The following CHD2 variants were observed in gnomAD, a reference collection of about 807,000 sequenced individuals.
CHD2 encodes chromodomain helicase DNA binding protein 2.
Under a neutral mutation model 243.9 loss-of-function variants are expected in CHD2, and 28 were observed. That is an observed-to-expected ratio of 0.11 (90% CI 0.09 to 0.16). The LOEUF (loss-of-function observed/expected upper bound fraction) is 0.16, where lower values mean the gene tolerates loss of function less well. Among genes scored for constraint, CHD2 ranks in the 10% least tolerant of loss-of-function variants. The pLI, the probability that CHD2 is intolerant of heterozygous loss-of-function variation, is 1.00. For synonymous variants in CHD2, 775 were observed against 779.0 expected (o/e 0.99, Z 0.09); for missense variants, 1,386 against 2,209.8 (o/e 0.63, Z 7.47).
chr15:92,906,190 T>C (rs896386975), intron 2 of CHD2, among the ~76,000 whole-genome samples: 1 of 152,212 alleles, frequency 6.6e-6, no homozygotes. Flanking sequence ...CTACTTTTTT[T>C]CCCTTTGATG....
At chr15:92,977,887 TC>T (rs1191440006) in intron 20 of CHD2, among the ~76,000 whole-genome samples, 1 of 152,234 alleles carries the variant, frequency 6.6e-6, no homozygotes, top group African/African-American at 2.4e-5. Flanking sequence ...ACAGGTGACT[TC>T]CTGGAGTTAA....
chr15:93,025,821 C>G lies in CHD2; in HGVS notation c.*1116C>G, dbSNP rs950343486. On this transcript the variant is annotated 3_prime_UTR_variant, in exon 39 of 39. Transcript: ENST00000394196. ...CCTGCTGCATTTCCTTCCCTTTGCA[C>G]AGCTTGAAGAAATAGAGTAGACAGA... The G allele has an allele frequency of 2.6e-5, 4 of 152,100 alleles. No individual in the cohort carries two copies. The highest frequency in any genetic ancestry group is 9.7e-5 in the African/African-American group (4 of 41,418). 9.4% of individuals were successfully genotyped at this position (152,100 alleles called of 1,614,324 possible). A position where few individuals can be genotyped will look rare whatever the true frequency, so the allele number is the denominator to read the frequency against.
chr15:93,012,236 C>A, intron 35 of CHD2, 109 bp from the exon 36 acceptor site: 1 of 594,306 alleles, frequency 1.7e-6, no homozygotes, highest in Non-Finnish European at 2.9e-6. Flanking sequence ...AATTTCTATG[C>A]TTAGGGAGTA....
intron 38 of CHD2, among the ~76,000 whole-genome samples, chr15:93,024,119 G>A (rs1000918664): frequency 6.6e-6 from 1 of 151,424 alleles, no homozygotes. Flanking sequence ...TTTCCTAAAG[G>A]GAGTGAGTTT....
chr15:92,993,478 C>G (rs112141760), intron 28 of CHD2, among the ~76,000 whole-genome samples: 4 of 152,288 alleles, frequency 2.6e-5, no homozygotes, highest in African/African-American at 7.2e-5. Context: ...TTTCATGCCA[C>G]TAGAATTTGT....
rs1349917671 is a variant in CHD2 at position 93,000,621 on chromosome 15, C to T, written c.4118C>T (p.Ser1373Leu). ...TCTCCTAGGCATTCAGATAATCCAT[C>T]AGAAGAGGGAGAAGTGAAAGTATGA... ...LSSPRHSDNP[S>L]EEGEVKDDGL... The change falls in exon 32 of 39, where the codon TCA (serine) becomes TTA (leucine). Residue 1373 changes from serine to leucine, a missense_variant. Coordinates refer to ENST00000394196, the MANE Select transcript of CHD2 (RefSeq NM_001271.4). The T allele has an allele frequency of 1.2e-6, 2 of 1,612,476 alleles. No individual in the cohort carries two copies. The highest frequency in any genetic ancestry group is 1.3e-5 in the African/African-American group (1 of 74,866).
chr15:92,976,655 A>C (rs2053912847), intron 20 of CHD2, among the ~76,000 whole-genome samples: 1 of 12,902 alleles, frequency 7.8e-5, no homozygotes, highest in Non-Finnish European at 5.0e-4. Context: ...GTCTCTACCA[A>C]AAAAAAAAAA....
chr15:92,982,676 T>C (rs2053994618), intron 24 of CHD2, among the ~76,000 whole-genome samples: 1 of 152,140 alleles, frequency 6.6e-6, no homozygotes, highest in South Asian at 2.1e-4. Context: ...TAGGATTGAA[T>C]TGAATTAGGG....
At position 92,911,650 on chromosome 15, in the gene CHD2, G is replaced by A. The variant is rs372735309; in HGVS notation, c.62+10351G>A. Among the ~76,000 whole-genome samples the A allele has an allele frequency of 3.9e-5, 6 of 152,004 alleles. No individual in the cohort carries two copies. The East Asian group carries it at 9.6e-4, about 24-fold the overall frequency. ...CTATTAGGGAGGCTGAGGCAGAGAC[G>A]CTTGAACCTGGGAGGCGGAAGTTGC... On this transcript the variant is annotated intron_variant, in intron 2 of 38. Transcript: ENST00000394196.
intron 16 of CHD2, among the ~76,000 whole-genome samples, chr15:92,959,639 G>A (rs2053659625): frequency 6.6e-6 from 1 of 152,008 alleles, no homozygotes. Context: ...TTACAGGCAC[G>A]CACCACCATG....
intron 33 of CHD2, among the ~76,000 whole-genome samples, chr15:93,003,038 A>G (rs1375118863): frequency 6.6e-6 from 1 of 152,242 alleles, no homozygotes; most frequent in Non-Finnish European, 1.5e-5. Context: ...ACTTAGCAGT[A>G]TATCACAACT....
At chr15:92,955,618 G>A in intron 15 of CHD2, 106 bp downstream of exon 15, 1 of 664,616 alleles carries the variant, frequency 1.5e-6, no homozygotes, top group South Asian at 2.4e-5. Flanking sequence ...ATACTTGAAA[G>A]TTAAAAATAA....
chr15:92,909,850 A>G lies in CHD2; in HGVS notation c.62+8551A>G, dbSNP rs77223573. 6.1e-3 allele frequency among the ~76,000 whole-genome samples: 927 copies of G among 152,242 alleles called. 17 individuals are homozygous for G. The highest frequency in any genetic ancestry group is 0.021 in the African/African-American group (873 of 41,534). ...GGATTTTATCAGGAAGGAATATTGT[A>G]CATGGTGAACATTTTGTAGAAAAAT... On this transcript the variant is annotated intron_variant, in intron 2 of 38. Coordinates refer to ENST00000394196, the MANE Select transcript of CHD2 (RefSeq NM_001271.4).
intron 18 of CHD2, 80 bp from the exon 19 acceptor site, chr15:92,972,180 TTTTTA>T: frequency 2.1e-6 from 3 of 1,437,678 alleles, no homozygotes; most frequent in Non-Finnish European, 2.8e-6. Context: ...TTTAAGATGA[TTTTTA>T]AAATATGGAT....
At chr15:92,932,443 T>TCCCCCCCCCCC (rs11309319) in intron 5 of CHD2, among the ~76,000 whole-genome samples, 2 of 103,296 alleles carry the variant, frequency 1.9e-5, no homozygotes, top group Non-Finnish European at 3.8e-5. Context: ...CCCTTCCCCC[T>TCCCCCCCCCCC]CCCCCCCACC....
chr15:93,004,204 A>G (rs946909378), intron 33 of CHD2, among the ~76,000 whole-genome samples: 1 of 151,912 alleles, frequency 6.6e-6, no homozygotes, highest in Admixed American at 6.6e-5. Flanking sequence ...TGAGATTTGT[A>G]TAGAGTTCAT....
intron 16 of CHD2, among the ~76,000 whole-genome samples, chr15:92,959,050 T>C (rs1467675136): frequency 6.6e-6 from 1 of 152,260 alleles, no homozygotes; most frequent in East Asian, 1.9e-4. Context: ...TTCTTTTCAC[T>C]TTTTGAATGT....
Position 93,020,421 on chromosome 15 carries a change from G to C in CHD2, c.5153+163G>C, listed in dbSNP as rs2141895703. On this transcript the variant is annotated intron_variant, in intron 38 of 38. Transcript: ENST00000394196. ...CCCATGTCTTGGTTATAGGTTTTAT[G>C]TTTTGTTTTGTGGGTCATAGGGAGC... 6.7e-6 allele frequency: 6 copies of C among 900,644 alleles called. No individual in the cohort carries two copies. In the East Asian group the frequency reaches 1.6e-4, roughly 24 times the overall value. The allele number at this position is 900,644 out of a possible 1,614,324, so 55.8% of individuals were successfully genotyped here.
At chr15:92,974,602 T>C (rs1000731978) in intron 19 of CHD2, 1 of 313,108 alleles carries the variant, frequency 3.2e-6, no homozygotes, top group Non-Finnish European at 6.1e-6. Flanking sequence ...TTTTCGTCTT[T>C]CTCCTTTTAG....
Sources: gnomAD v4.1 joint callset for allele counts (sites outside exome capture counted in the v4.1 genomes callset) on GRCh38, gnomAD v4.1.1 for gene constraint, MANE v1.5 for transcripts, NCBI Gene and HGNC (gene_info 2026-07-23, HGNC 2026-07-21) for gene names.